Variants in MORC1 observed in about 807,000 individuals in gnomAD.
MORC1 encodes the protein MORC family CW-type zinc finger 1, also known as MORC family CW-type zinc finger protein 1.
In MORC1, 59 loss-of-function variants were observed where a neutral mutation model predicts 134.9. The ratio of observed to expected loss-of-function variants is 0.44; its 90% CI spans 0.35 to 0.54. The LOEUF (loss-of-function observed/expected upper bound fraction) is 0.54. Ranked by LOEUF, MORC1 falls within the 20% of genes least tolerant of loss-of-function variation. MORC1 has a pLI of 0.00. For synonymous variants in MORC1, 395 were observed against 391.7 expected, an observed-to-expected ratio of 1.01 and a Z score of -0.10; for missense variants, 947 against 1,134.5, an observed-to-expected ratio of 0.83 and a Z score of 2.37.
intron 27 of MORC1, among the ~76,000 whole-genome samples, chr3:108,961,669 A>G (rs1947084465): frequency 6.6e-6 from 1 of 152,222 alleles, no homozygotes; most frequent in Non-Finnish European, 1.5e-5. Flanking sequence ...GTACCTCTCC[A>G]CTGAGATTAG....
intron 17 of MORC1, among the ~76,000 whole-genome samples, chr3:109,007,921 G>C (rs893753216): frequency 6.7e-6 from 1 of 149,670 alleles, no homozygotes; most frequent in Non-Finnish European, 1.5e-5. Context: ...TGTTTATATA[G>C]CATATATAAG....
intron 6 of MORC1, 111 bp downstream of exon 6, chr3:109,099,247 T>C: frequency 1.4e-6 from 1 of 726,942 alleles, no homozygotes. Flanking sequence ...AACATATTCC[T>C]AAGTTTCTAA....
At chr3:109,114,046 C>G (rs113808445) in intron 2 of MORC1, among the ~76,000 whole-genome samples, 41 of 152,266 alleles carry the variant, frequency 2.7e-4, no homozygotes, top group Admixed American at 2.2e-3. Flanking sequence ...TTTGCTTCTA[C>G]GCAGACTTCA....
At chr3:109,040,067 C>A (rs138406111) in intron 14 of MORC1, among the ~76,000 whole-genome samples, 1 of 151,738 alleles carries the variant, frequency 6.6e-6, no homozygotes, top group Non-Finnish European at 1.5e-5. Context: ...ATAGCTCAGG[C>A]TGATCTGCAC....
intron 4 of MORC1, among the ~76,000 whole-genome samples, chr3:109,103,635 A>G (rs910661219): frequency 6.6e-5 from 10 of 152,162 alleles, no homozygotes; most frequent in Admixed American, 6.5e-4. Context: ...CAATATTAAT[A>G]TACATTTACT....
chr3:108,983,555 G>T (rs997228045), intron 23 of MORC1, among the ~76,000 whole-genome samples: 6 of 152,134 alleles, frequency 3.9e-5, no homozygotes, highest in African/African-American at 1.4e-4. Flanking sequence ...AGACAAGAAG[G>T]CCTCTATCCT....
intron 24 of MORC1, among the ~76,000 whole-genome samples, chr3:108,975,004 T>C (rs921174): frequency 0.14 from 21,073 of 152,196 alleles, 1,871 homozygotes; most frequent in Admixed American, 0.2. Flanking sequence ...CTAAGGGCCA[T>C]TTCCATTTCA....
In MORC1 at chr3:109,095,088, T is replaced by A; in HGVS notation, c.424-20A>T. On this transcript the variant is annotated intron_variant, in intron 6 of 27. Transcript: ENST00000232603. ...TACAACCTATTTAAAAAAAAACACA[T>A]CAATTTACTATGAAATACACAAAAA... 1.3e-6 allele frequency: 2 copies of A among 1,552,756 alleles called. No homozygotes were observed. Among genetic ancestry groups the A allele is most frequent in the Non-Finnish European group, 8.7e-7 (1 of 1,155,710 alleles).
At chr3:109,099,930 C>T (rs1950895158) in intron 5 of MORC1, among the ~76,000 whole-genome samples, 1 of 152,100 alleles carries the variant, frequency 6.6e-6, no homozygotes. Flanking sequence ...GAGAATTAAC[C>T]TAAAATGTTG....
At chr3:109,114,523 C>T (rs1951231003) in intron 1 of MORC1, 86 bp from the exon 2 acceptor site, 1 of 1,178,054 alleles carries the variant, frequency 8.5e-7, no homozygotes, top group Admixed American at 2.1e-5. Flanking sequence ...GACAAACGTT[C>T]TCCAGTTCCA....
intron 23 of MORC1, 32 bp from the exon 24 acceptor site, chr3:108,979,699 G>A: frequency 1.2e-6 from 2 of 1,604,724 alleles, no homozygotes; most frequent in Non-Finnish European, 1.7e-6. Context: ...TAGAAATCAT[G>A]TTAGGTATTA....
intron 12 of MORC1, among the ~76,000 whole-genome samples, chr3:109,058,075 A>C (rs924645066): frequency 1.3e-5 from 2 of 152,176 alleles, no homozygotes; most frequent in Admixed American, 1.3e-4. Flanking sequence ...TAAAAGTGTA[A>C]AATAGAAATT....
rs1362944675 is a variant in MORC1, at chr3:109,054,328, T to C, written c.1330+400A>G. ...CATATCTACAATTACCCAGGGTCAG[T>C]AGTTTTTACTCCATGGTATGACATA... On this transcript the variant is annotated intron_variant, in intron 14 of 27. Coordinates refer to ENST00000232603, the MANE Select transcript of MORC1 (RefSeq NM_014429.4). Among the ~76,000 whole-genome samples the C allele has an allele frequency of 1.7e-4, 26 of 151,500 alleles. 1 individual carries two copies. Among genetic ancestry groups the C allele is most frequent in the Admixed American group, 1.7e-3 (26 of 15,214 alleles).
chr3:109,018,353 T>A (rs1220264726), intron 17 of MORC1, among the ~76,000 whole-genome samples: 1 of 152,158 alleles, frequency 6.6e-6, no homozygotes, highest in African/African-American at 2.4e-5. Flanking sequence ...GTGAAGAGAT[T>A]TGCCTCCAGA....
At chr3:108,969,785 G>C in intron 25 of MORC1, 63 bp from the exon 26 acceptor site, 3 of 1,447,952 alleles carry the variant, frequency 2.1e-6, no homozygotes, top group Non-Finnish European at 2.9e-6. Context: ...GTCTACAGCA[G>C]AGTTATATCA....
intron 14 of MORC1, among the ~76,000 whole-genome samples, chr3:109,043,188 TG>T (rs112162969): frequency 0.52 from 28,756 of 55,220 alleles, 4,687 homozygotes; most frequent in East Asian, 0.73. Flanking sequence ...TGGCAAAATG[TG>T]GGGGGGGGGG....
intron 2 of MORC1, among the ~76,000 whole-genome samples, chr3:109,113,140 T>C (rs1327903466): frequency 6.6e-6 from 1 of 152,182 alleles, no homozygotes; most frequent in African/African-American, 2.4e-5. Flanking sequence ...ACCGATGACA[T>C]AGGAGGAGCC....
intron 21 of MORC1, among the ~76,000 whole-genome samples, chr3:108,999,734 T>C (rs1559882604): frequency 6.6e-6 from 1 of 152,182 alleles, no homozygotes; most frequent in East Asian, 1.9e-4. Context: ...CTTACGCGGG[T>C]TAAAGTTTAG....
At chr3:109,037,118 C>A (rs1949397963) in intron 14 of MORC1, among the ~76,000 whole-genome samples, 1 of 152,204 alleles carries the variant, frequency 6.6e-6, no homozygotes, top group Non-Finnish European at 1.5e-5. Context: ...CCTACACATT[C>A]TTTCCCTACG....
Sources: gnomAD v4.1 joint callset for allele counts (sites outside exome capture counted in the v4.1 genomes callset) on GRCh38, gnomAD v4.1.1 for gene constraint, MANE v1.5 for transcripts, NCBI Gene and HGNC (gene_info 2026-07-23, HGNC 2026-07-21) for gene names.